The following ZNF581 variants were observed in gnomAD, a reference collection of about 807,000 sequenced individuals.
ZNF581 encodes zinc finger protein 581.
Under a neutral mutation model 1.2 loss-of-function variants are expected in ZNF581, and 1 was observed. The observed-to-expected ratio is 0.83, with a 90% CI of 0.30 to 3.95. ZNF581 has a LOEUF of 3.95. ZNF581 is among the 30% of genes most tolerant of loss of function. ZNF581 has a pLI of 0.18. For missense variants in ZNF581, 273 were observed against 274.6 expected (o/e 0.99, Z 0.04); for synonymous variants, 105 against 109.2 (o/e 0.96, Z 0.24).
upstream of ZNF581, chr19:55,642,653 C>T (rs199790480): frequency 4.2e-6 from 6 of 1,425,614 alleles, no homozygotes; most frequent in African/African-American, 7.5e-5. Flanking sequence ...CCGACCCCCG[C>T]GGCTGGGCCG....
upstream of ZNF581, among the ~76,000 whole-genome samples, chr19:55,636,903 G>A (rs901501871): frequency 1.3e-5 from 2 of 152,146 alleles, no homozygotes; most frequent in Non-Finnish European, 2.9e-5. Flanking sequence ...CTGGTGCACT[G>A]GGCAAGGGAA....
At chr19:55,642,248 G>A (rs1448092628), upstream of ZNF581, 2 of 1,224,324 alleles carry the variant, frequency 1.6e-6, no homozygotes, top group Non-Finnish European at 2.0e-6. Context: ...CCTGAGTGGT[G>A]AGAGGTGGAC....
upstream of ZNF581, among the ~76,000 whole-genome samples, chr19:55,638,539 A>G (rs1038217808): frequency 1.3e-5 from 2 of 152,098 alleles, no homozygotes; most frequent in South Asian, 2.1e-4. Context: ...TCAGCCTGAC[A>G]TGCTCTTTTA....
upstream of ZNF581, chr19:55,635,095 A>C (rs1319495621): frequency 1.3e-5 from 2 of 152,184 alleles, no homozygotes; most frequent in African/African-American, 4.8e-5. Flanking sequence ...CAGTGACGGC[A>C]TTCTTAAGAG....
chr19:55,640,992 T>C, upstream of ZNF581: 1 of 985,292 alleles, frequency 1.0e-6, no homozygotes, highest in Non-Finnish European at 1.2e-6. Flanking sequence ...CTCGCGCGCT[T>C]CCGGCCGGCG....
upstream of ZNF581, chr19:55,643,378 T>TAA (rs753930323): frequency 1.7e-4 from 46 of 276,678 alleles, 1 homozygote; most frequent in East Asian, 1.2e-3. Context: ...GAAGAGATGA[T>TAA]AAAGAGCACG....
upstream of ZNF581, chr19:55,641,678 C>A (rs1410535571): frequency 6.6e-6 from 1 of 151,084 alleles, no homozygotes; most frequent in Non-Finnish European, 1.5e-5. Flanking sequence ...AACGATGTCA[C>A]CGCCATATAT....
At chr19:55,642,146 G>A, upstream of ZNF581, 1 of 1,044,088 alleles carries the variant, frequency 9.6e-7, no homozygotes, top group Non-Finnish European at 1.2e-6. Flanking sequence ...AAGATGTAAA[G>A]AGGTAAACAG....
upstream of ZNF581, chr19:55,642,878 G>A (rs1982612302): frequency 1.3e-6 from 2 of 1,564,568 alleles, no homozygotes; most frequent in East Asian, 2.4e-5. Context: ...CACGTGCGGC[G>A]CCTGCGGCAA....
chr19:55,643,197 C>A (rs764075917), upstream of ZNF581: 4 of 1,165,820 alleles, frequency 3.4e-6, no homozygotes, highest in South Asian at 3.5e-5. Flanking sequence ...TTCCTTACCC[C>A]CTTTCTAGCT....
At chr19:55,639,605 T>G (rs1982318382), upstream of ZNF581, among the ~76,000 whole-genome samples, 1 of 152,200 alleles carries the variant, frequency 6.6e-6, no homozygotes, top group Admixed American at 6.5e-5. Context: ...ATATGTGGCT[T>G]AAATTTTGAT....
chr19:55,642,323 G>C, upstream of ZNF581: 3 of 1,262,526 alleles, frequency 2.4e-6, no homozygotes, highest in Non-Finnish European at 2.0e-6. Flanking sequence ...CTCCGAGGCA[G>C]CTTGATGGAA....
At chr19:55,643,822 G>A (rs1316049594) in intron 1 of ZNF581, 48 bp downstream of exon 1, 1 of 152,570 alleles carries the variant, frequency 6.6e-6, no homozygotes, top group African/African-American at 2.4e-5. Flanking sequence ...GCGGCGGGAG[G>A]GGCTGGACCG....
upstream of ZNF581, among the ~76,000 whole-genome samples, chr19:55,636,680 A>G (rs1481241226): frequency 6.6e-6 from 1 of 152,098 alleles, no homozygotes; most frequent in Non-Finnish European, 1.5e-5. Flanking sequence ...ACGAGGCCAT[A>G]TCATGGATTG....
chr19:55,635,503 C>T (rs959956709), exon 1 of ZNF581: 5 of 204,354 alleles, frequency 2.4e-5, no homozygotes, highest in Non-Finnish European at 4.4e-5. Flanking sequence ...TCACTCCGGC[C>T]GGAGATCTGA....
chr19:55,643,171 G>A (rs1398959569), upstream of ZNF581: 2 of 1,239,632 alleles, frequency 1.6e-6, no homozygotes, highest in Non-Finnish European at 2.1e-6. Flanking sequence ...CCTTCCAAAG[G>A]GAGGAGCATC....
At position 55,644,851 on chromosome 19, in the gene ZNF581, A is replaced by G. The variant is rs759541188; in HGVS notation, c.280A>G (p.Arg94Gly). ...KKCYSCPVCS[R>G]VFEYMSYLQR... ...GTGCTACAGCTGCCCCGTGTGCTCA[A>G]GGGTCTTCGAGTACATGTCCTACCT... Residue 94 changes from arginine to glycine, a missense_variant, in exon 2 of 2, where the codon AGG becomes GGG. Arg to Gly is a moderately radical substitution (Grantham distance 125). Transcript: ENST00000270451. The surrounding 1 kb of genome is among the most constrained non-coding windows in gnomAD (Gnocchi z 4.3). 1.9e-6 allele frequency: 3 copies of G among 1,613,328 alleles called. No individual in the cohort carries two copies. The highest frequency in any genetic ancestry group is 1.1e-5 in the South Asian group (1 of 91,076).
chr19:55,635,488 A>G (rs1027470627), exon 1 of ZNF581: 29 of 176,774 alleles, frequency 1.6e-4, no homozygotes, highest in South Asian at 7.4e-4. Context: ...GCGGGGGTCA[A>G]TCGGTCACTC....
upstream of ZNF581, among the ~76,000 whole-genome samples, chr19:55,637,591 G>A (rs889092): frequency 0.55 from 83,499 of 151,844 alleles, 24,819 homozygotes; most frequent in Admixed American, 0.67. Flanking sequence ...TGATGGAGGC[G>A]GAGGCTGCTG....
Sources: gnomAD v4.1 joint callset for allele counts (sites outside exome capture counted in the v4.1 genomes callset) on GRCh38, gnomAD v4.1.1 for gene constraint, Gnocchi (gnomAD v3.1) non-coding constraint, MANE v1.5 for transcripts, NCBI Gene and HGNC (gene_info 2026-07-23, HGNC 2026-07-21) for gene names.